Variants in NAA16 observed in about 807,000 individuals in gnomAD.
The protein encoded by NAA16 is NARG1-like protein.
In NAA16, 97 loss-of-function variants were observed where a neutral mutation model predicts 110.3. The ratio of observed to expected loss-of-function variants is 0.88; its 90% CI spans 0.75 to 1.04. The LOEUF is 1.04. NAA16 is among the 50% of genes least tolerant of loss of function. The pLI is 0.00. For missense variants in NAA16, 1,017 were observed against 1,005.1 expected, an observed-to-expected ratio of 1.01 and a Z score of -0.16; for synonymous variants, 372 against 330.6, an observed-to-expected ratio of 1.13 and a Z score of -1.36.
At chr13:41,339,661 G>A (rs1165268630) in intron 9 of NAA16, among the ~76,000 whole-genome samples, 1 of 151,836 alleles carries the variant, frequency 6.6e-6, no homozygotes, top group Non-Finnish European at 1.5e-5. Context: ...GGGTTCAAAC[G>A]ATTCTCCTGC....
chr13:41,325,697 G>T lies in NAA16; in HGVS notation c.538-1G>T. 1 of 1,549,656 alleles carries T rather than the reference G, an allele frequency of 6.5e-7. No homozygotes were observed. The highest frequency in any genetic ancestry group is 1.2e-5 in the South Asian group (1 of 82,226). Reference sequence around the variant, plus strand: ...AAAGTAATTTGGTCATTTTTTTTCAGGTTCCTCCAAACAAAATAGATTATG... The same window carrying T: ...AAAGTAATTTGGTCATTTTTTTTCATGTTCCTCCAAACAAAATAGATTATG... On this transcript the variant is annotated splice_acceptor_variant, in intron 5 of 19. Coordinates refer to ENST00000379406, the MANE Select transcript of NAA16 (RefSeq NM_024561.5). LOFTEE classifies it high-confidence loss of function.
chr13:41,350,735 C>T (rs183036106), intron 9 of NAA16, among the ~76,000 whole-genome samples: 3 of 151,340 alleles, frequency 2.0e-5, no homozygotes, highest in Non-Finnish European at 4.4e-5. Context: ...ATTCTCCTGC[C>T]TTAGCCTCCC....
At chr13:41,358,705 G>A (rs2043046726) in intron 11 of NAA16, 105 bp from the exon 12 acceptor site, 1 of 1,455,996 alleles carries the variant, frequency 6.9e-7, no homozygotes, top group Non-Finnish European at 9.1e-7. Context: ...AAATTTGACA[G>A]AAATGGTGAC....
chr13:41,337,190 A>G (rs978340209), intron 9 of NAA16, among the ~76,000 whole-genome samples: 1 of 152,190 alleles, frequency 6.6e-6, no homozygotes, highest in African/African-American at 2.4e-5. Context: ...AGTAGGCTAC[A>G]TTTTAATAAA....
At position 41,325,851 on chromosome 13, in the gene NAA16, G is replaced by A; in HGVS notation, c.691G>A (p.Gly231Arg). Residue 231 changes from glycine to arginine, a missense_variant and splice_region_variant, in exon 6 of 20, where the codon GGG becomes AGG. Transcript: ENST00000379406. ...TAAACTTTTGGTGGAAGAAATTAAAGGTAAGTTGGCTTGCCTTTTTTTAAT... is the reference window on the plus strand; with the variant it reads ...TAAACTTTTGGTGGAAGAAATTAAAAGTAAGTTGGCTTGCCTTTTTTTAAT... ...CDKLLVEEIK[G>R]EILLKLGRLK... is the part of the protein sequence containing the mutation. 6.3e-7 allele frequency: 1 copy of A among 1,592,830 alleles called. No individual in the cohort carries two copies. The highest frequency in any genetic ancestry group is 8.5e-7 in the Non-Finnish European group (1 of 1,171,824).
Position 41,323,099 on chromosome 13 carries a change from C to T in NAA16, c.446C>T (p.Ala149Val). The change falls in exon 5 of 20, where the codon GCC becomes GTC. Residue 149 changes from alanine (A) to valine (V), a missense_variant. Ala to Val is a moderately conservative substitution (Grantham distance 64, BLOSUM62 0). Transcript: ENST00000379406. The part of the protein sequence containing the change: ...QLLQLRPTQR[A>V]SWIGYAIAYH... The stretch of plus-strand genomic sequence containing the variant: ...CTTCAGTTGCGCCCCACACAGCGTG[C>T]CTCCTGGATTGGATATGCTATTGCA... The T allele has an allele frequency of 1.2e-6, 2 of 1,614,090 alleles. No individual in the cohort carries two copies. Among genetic ancestry groups the T allele is most frequent in the Non-Finnish European group, 1.7e-6 (2 of 1,179,968 alleles).
intron 6 of NAA16, among the ~76,000 whole-genome samples, chr13:41,326,319 G>A (rs1026159363): frequency 2.6e-5 from 4 of 152,110 alleles, no homozygotes; most frequent in Admixed American, 6.6e-5. Flanking sequence ...TCAACAAGGG[G>A]TCAAACAAAA....
intron 4 of NAA16, 46 bp downstream of exon 4, chr13:41,320,870 AT>A (rs773046293): frequency 1.1e-5 from 16 of 1,508,892 alleles, no homozygotes; most frequent in Middle Eastern, 4.4e-4. Flanking sequence ...AGTAGACAAA[AT>A]TTAAGAGCGT....
intron 13 of NAA16, among the ~76,000 whole-genome samples, chr13:41,363,654 T>C (rs9562293): frequency 0.13 from 19,850 of 152,060 alleles, 1,469 homozygotes; most frequent in East Asian, 0.22. Flanking sequence ...TCTACTGACA[T>C]AGTTCAAGAA....
chr13:41,311,656 G>T, intron 1 of NAA16, 74 bp downstream of exon 1: 1 of 1,407,256 alleles, frequency 7.1e-7, no homozygotes. Context: ...CGGTCTGGCG[G>T]CGGCCGGCGC....
At chr13:41,370,224 A>AG (rs1234223116) in intron 15 of NAA16, among the ~76,000 whole-genome samples, 1 of 152,234 alleles carries the variant, frequency 6.6e-6, no homozygotes, top group Non-Finnish European at 1.5e-5. Flanking sequence ...GGGTTAAAAA[A>AG]TGTCCAGATA....
chr13:41,364,399 C>G (rs1191294265), intron 13 of NAA16, among the ~76,000 whole-genome samples: 1 of 151,926 alleles, frequency 6.6e-6, no homozygotes, highest in Non-Finnish European at 1.5e-5. Flanking sequence ...GTTTTCATCC[C>G]CCCCCCATAA....
chr13:41,365,314 A>G (rs1367514419), intron 13 of NAA16, among the ~76,000 whole-genome samples: 2 of 152,178 alleles, frequency 1.3e-5, no homozygotes, highest in East Asian at 1.9e-4. Context: ...CTATATACAC[A>G]TTGTACCAAT....
intron 13 of NAA16, among the ~76,000 whole-genome samples, chr13:41,366,497 C>G (rs1484431396): frequency 1.3e-5 from 2 of 152,030 alleles, no homozygotes; most frequent in African/African-American, 4.8e-5. Flanking sequence ...GAAATGCATG[C>G]AGGGGAACAG....
intron 13 of NAA16, chr13:41,362,763 A>C: frequency 7.8e-7 from 1 of 1,289,770 alleles, no homozygotes; most frequent in South Asian, 1.2e-5. Context: ...CAGGAGGAAA[A>C]GAGCCGCAAA....
chr13:41,328,610 C>A, intron 6 of NAA16, 114 bp from the exon 7 acceptor site: 1 of 809,732 alleles, frequency 1.2e-6, no homozygotes, highest in Non-Finnish European at 1.9e-6. Context: ...AAAGGGGAAG[C>A]ATACAGAGTT....
Position 41,320,678 on chromosome 13 carries a change from T to C in NAA16, c.256T>C (p.Tyr86His), listed in dbSNP as rs2041922742. 1.2e-6 allele frequency: 2 copies of C among 1,608,974 alleles called. No homozygotes were observed. Among genetic ancestry groups the C allele is most frequent in the Non-Finnish European group, 1.7e-6 (2 of 1,178,582 alleles). ...DVKSHVCWHV[Y>H]GLLQRSDKKY... ...CCTTAACTTAATAGGTTGGCATGTA[T>C]ATGGACTCTTGCAGCGTTCTGATAA... is the stretch of plus-strand genomic sequence containing the variant. The change falls in exon 4 of 20, where the codon TAT becomes CAT. Residue 86 changes from tyrosine to histidine, a missense_variant. By Grantham distance (83) the Tyr-to-His change is moderately conservative. Transcript: ENST00000379406.
rs1471447360 is a variant in NAA16 at position 41,358,491 on chromosome 13, T to G, written c.1257+18T>G. 6.8e-6 allele frequency: 11 copies of G among 1,612,010 alleles called. No individual in the cohort carries two copies. The highest frequency in any genetic ancestry group is 9.3e-6 in the Non-Finnish European group (11 of 1,178,696). On this transcript the variant is annotated intron_variant, in intron 11 of 19. Coordinates refer to ENST00000379406, the MANE Select transcript of NAA16 (RefSeq NM_024561.5). ...TTTACAAGGTAAAATCTGAATCCTG[T>G]TTTTTGAGTAGTTGAAGAATTCAGC...
intron 9 of NAA16, among the ~76,000 whole-genome samples, chr13:41,346,274 A>C (rs1277327165): frequency 6.6e-6 from 1 of 152,246 alleles, no homozygotes; most frequent in Non-Finnish European, 1.5e-5. Flanking sequence ...AGCCTTGTCT[A>C]AAAAAGATTA....
Sources: gnomAD v4.1 joint callset for allele counts (sites outside exome capture counted in the v4.1 genomes callset) on GRCh38, gnomAD v4.1.1 for gene constraint, MANE v1.5 for transcripts, NCBI Gene and HGNC (gene_info 2026-07-23, HGNC 2026-07-21) for gene names.